PTPRA: variants seen among roughly 807,000 people sequenced by gnomAD.
PTPRA encodes the protein protein tyrosine phosphatase receptor type A.
Under a neutral mutation model 104.8 loss-of-function variants are expected in PTPRA, and 25 were observed. The ratio of observed to expected loss-of-function variants is 0.24; its 90% CI spans 0.17 to 0.33. The LOEUF (loss-of-function observed/expected upper bound fraction) is 0.33, where lower values mean the gene tolerates loss of function less well. Among genes scored for constraint, PTPRA ranks in the 10% least tolerant of loss-of-function variants. The pLI, the probability that PTPRA is intolerant of heterozygous loss-of-function variation, is 1.00. For synonymous variants in PTPRA, 323 were observed against 368.9 expected (o/e 0.88, Z 1.43); for missense variants, 765 against 1,015.3 (o/e 0.75, Z 3.35).
chr20:3,034,613 A>AT (rs775151201), intron 20 of PTPRA, among the ~76,000 whole-genome samples: 15 of 151,516 alleles, frequency 9.9e-5, no homozygotes, highest in Admixed American at 4.6e-4. Flanking sequence ...TCCCTGAGGC[A>AT]TCCCCAGGGC....
At chr20:2,904,278 A>AAAT (rs2059337397) in intron 1 of PTPRA, among the ~76,000 whole-genome samples, 1 of 152,200 alleles carries the variant, frequency 6.6e-6, no homozygotes, top group South Asian at 2.1e-4. Flanking sequence ...AAATTTTTAA[A>AAAT]TGATGCACAA....
chr20:2,921,238 T>C (rs1006501886), intron 1 of PTPRA, among the ~76,000 whole-genome samples: 5 of 152,108 alleles, frequency 3.3e-5, no homozygotes, highest in Non-Finnish European at 7.4e-5. Context: ...ACAACTTTGA[T>C]TTAACAAATG....
At chr20:2,864,745 G>A in the PTPRA span, 7 of 1,368,346 alleles carry the variant, frequency 5.1e-6, no homozygotes, top group Non-Finnish European at 7.2e-6. The surrounding 1 kb of genome is among the most constrained non-coding windows in gnomAD (Gnocchi z 5.2). Context: ...CTTCGTGTTG[G>A]GTGCACACTC....
chr20:2,939,821 G>A (rs1037001877), intron 2 of PTPRA, among the ~76,000 whole-genome samples: 17 of 151,938 alleles, frequency 1.1e-4, no homozygotes, highest in Non-Finnish European at 5.9e-5. Context: ...TAATCGGTGG[G>A]AAGGGCTGGG....
chr20:2,923,310 TGAG>T (rs750235464), intron 2 of PTPRA, 25 bp downstream of exon 2: 1 of 1,280,580 alleles, frequency 7.8e-7, no homozygotes, highest in Non-Finnish European at 1.0e-6. Context: ...ACCAGAACTG[TGAG>T]GAGGCTTTTG....
intron 10 of PTPRA, among the ~76,000 whole-genome samples, chr20:3,005,729 G>A (rs188032635): frequency 6.6e-6 from 1 of 152,262 alleles, no homozygotes; most frequent in African/African-American, 2.4e-5. Context: ...CTGGAGAACA[G>A]CTTCACTAGG....
At chr20:3,007,289 G>T in intron 10 of PTPRA, 55 bp from the exon 11 acceptor site, 1 of 1,548,870 alleles carries the variant, frequency 6.5e-7, no homozygotes, top group South Asian at 1.1e-5. Flanking sequence ...GTTGCGTCAG[G>T]TTCTGTGAGA....
At chr20:2,995,444 TGC>T (rs1365547045) in intron 9 of PTPRA, among the ~76,000 whole-genome samples, 1 of 152,168 alleles carries the variant, frequency 6.6e-6, no homozygotes, top group Non-Finnish European at 1.5e-5. Context: ...ACCTTATTTA[TGC>T]ATTTTACCCT....
chr20:2,967,167 G>A (rs2061976582), intron 5 of PTPRA, among the ~76,000 whole-genome samples: 3 of 152,106 alleles, frequency 2.0e-5, no homozygotes, highest in African/African-American at 4.8e-5. Context: ...TCACTTTTGC[G>A]GTCTTTCCAC....
At chr20:2,946,407 G>A (rs958980465) in intron 2 of PTPRA, among the ~76,000 whole-genome samples, 1 of 152,100 alleles carries the variant, frequency 6.6e-6, no homozygotes. Flanking sequence ...CAAAACAGAA[G>A]GAGAGAGGAA....
chr20:2,956,590 C>T (rs1234021491), intron 3 of PTPRA, among the ~76,000 whole-genome samples: 1 of 152,030 alleles, frequency 6.6e-6, no homozygotes, highest in Non-Finnish European at 1.5e-5. Context: ...ACTCTTTATC[C>T]TTCCAAGTTC....
chr20:3,013,352 T>C (rs561551984), intron 11 of PTPRA, among the ~76,000 whole-genome samples: 6 of 152,154 alleles, frequency 3.9e-5, no homozygotes, highest in Non-Finnish European at 8.8e-5. Flanking sequence ...GCAGGTGGGC[T>C]TCCAGCCTAG....
chr20:2,989,938 A>G lies in PTPRA; in HGVS notation c.738+1464A>G, dbSNP rs184924506. Among the ~76,000 whole-genome samples, 422 of 152,110 alleles carry G rather than the reference A, an allele frequency of 2.8e-3. 3 individuals are homozygous for G. The highest frequency in any genetic ancestry group is 5.2e-3 in the Admixed American group (80 of 15,280). ...AGGCTGAGGCAGGAGAATGGTCAGA[A>G]CCCGGGAGGCGGAGCTTGCAGTGAG... On this transcript the variant is annotated intron_variant, in intron 9 of 23. Coordinates refer to ENST00000399903, the MANE Select transcript of PTPRA (RefSeq NM_001385305.1).
chr20:2,931,743 TGTG>T (rs1292979507), intron 2 of PTPRA, among the ~76,000 whole-genome samples: 1 of 151,866 alleles, frequency 6.6e-6, no homozygotes, highest in East Asian at 1.9e-4. Flanking sequence ...TGTGTGTGTG[TGTG>T]TAAGAGACTG....
At chr20:2,943,781 A>G (rs1191914123) in intron 2 of PTPRA, among the ~76,000 whole-genome samples, 2 of 152,184 alleles carry the variant, frequency 1.3e-5, no homozygotes, top group Admixed American at 1.3e-4. Context: ...AAGAGGATGC[A>G]GATTATTTGG....
chr20:2,884,247 GTA>G (rs34116950), intron 1 of PTPRA, among the ~76,000 whole-genome samples: 28,055 of 151,634 alleles, frequency 0.19, 3,848 homozygotes, highest in African/African-American at 0.39. Context: ...TTTCTCTTGG[GTA>G]TATATATATA....
intron 6 of PTPRA, among the ~76,000 whole-genome samples, chr20:2,983,515 C>G (rs2062773109): frequency 6.9e-6 from 1 of 145,364 alleles, no homozygotes; most frequent in Non-Finnish European, 1.5e-5. Flanking sequence ...TTACTGTGAT[C>G]CAGGTGAGAG....
chr20:2,953,084 G>A (rs934470587), intron 3 of PTPRA, among the ~76,000 whole-genome samples: 3 of 152,050 alleles, frequency 2.0e-5, no homozygotes, highest in Non-Finnish European at 4.4e-5. Flanking sequence ...TAGAATTGCT[G>A]GGTCATATGT....
At chr20:2,915,866 C>T (rs902298048) in intron 1 of PTPRA, among the ~76,000 whole-genome samples, 1 of 152,054 alleles carries the variant, frequency 6.6e-6, no homozygotes, top group Non-Finnish European at 1.5e-5. Flanking sequence ...TTCAGCTACT[C>T]GGGAAGTTGA....
Sources: allele counts gnomAD v4.1 joint callset (sites outside exome capture counted in the v4.1 genomes callset), GRCh38; gene constraint gnomAD v4.1.1; non-coding constraint Gnocchi (gnomAD v3.1); transcripts MANE v1.5; gene names NCBI Gene and HGNC (gene_info 2026-07-23, HGNC 2026-07-21).